The following SAMMSON variants were observed in gnomAD, a reference collection of about 807,000 sequenced individuals.
SAMMSON encodes the protein survival associated mitochondrial melanoma specific oncogenic non-coding RNA.
At chr3:70,370,023 G>A (rs1241915468) in intron 9 of SAMMSON, among the ~76,000 whole-genome samples, 7 of 151,206 alleles carry the variant, frequency 4.6e-5, no homozygotes, top group Non-Finnish European at 8.9e-5. Context: ...CTTTATCTCC[G>A]TAAGATAAAC....
chr3:70,135,988 T>C (rs1016483876), intron 4 of SAMMSON, among the ~76,000 whole-genome samples: 4 of 151,928 alleles, frequency 2.6e-5, no homozygotes, highest in African/African-American at 7.3e-5. Context: ...AGTTAAGTTG[T>C]AGTTTAAATA....
chr3:70,304,180 C>T (rs1273173925), intron 7 of SAMMSON, among the ~76,000 whole-genome samples: 5 of 152,134 alleles, frequency 3.3e-5, no homozygotes, highest in African/African-American at 1.2e-4. Flanking sequence ...GTGAAGATGT[C>T]CCAGTCACTC....
At chr3:70,287,561 T>C (rs1274242799) in intron 6 of SAMMSON, among the ~76,000 whole-genome samples, 13 of 152,196 alleles carry the variant, frequency 8.5e-5, no homozygotes, top group African/African-American at 1.9e-4. Context: ...ATCAGAATGA[T>C]GCTGGCCTCA....
chr3:70,206,939 A>C (rs1266687544), intron 4 of SAMMSON: 28 of 393,286 alleles, frequency 7.1e-5, no homozygotes, highest in Non-Finnish European at 1.2e-4. Context: ...GACAATTTTG[A>C]ATAAAAATAT....
rs554130112 is a variant in SAMMSON at position 70,004,442 on chromosome 3, T to C, written n.22+4575T>C. Among the ~76,000 whole-genome samples, 8 of 152,288 alleles carry C rather than the reference T, an allele frequency of 5.3e-5. No homozygotes were observed. In the South Asian group the frequency reaches 1.0e-3, roughly 20 times the overall value. ...ATTATAATCAATATGTACTTTATTA[T>C]TCTGTAGGTGCAATAATGAAAGAAA... On this transcript the variant is annotated intron_variant and non_coding_transcript_variant, in intron 1 of 9. Coordinates refer to ENST00000642114, the Ensembl canonical transcript of SAMMSON.
At chr3:70,061,713 G>C (rs951146965) in intron 3 of SAMMSON, among the ~76,000 whole-genome samples, 1 of 152,058 alleles carries the variant, frequency 6.6e-6, no homozygotes, top group East Asian at 1.9e-4. Flanking sequence ...TCAGATGCTA[G>C]CTCCCTCCGC....
chr3:70,009,618 T>A (rs1374853447), intron 1 of SAMMSON, among the ~76,000 whole-genome samples: 1 of 145,360 alleles, frequency 6.9e-6, no homozygotes, highest in Non-Finnish European at 1.6e-5. Flanking sequence ...TTTTGAAGGG[T>A]TTTTTGTGTC....
At chr3:70,358,700 G>A (rs1005314556) in intron 9 of SAMMSON, among the ~76,000 whole-genome samples, 10 of 152,024 alleles carry the variant, frequency 6.6e-5, no homozygotes, top group African/African-American at 2.4e-4. Flanking sequence ...TGTGAAAACT[G>A]AAGCCAACTT....
chr3:70,350,469 T>C (rs1423743588), intron 7 of SAMMSON, among the ~76,000 whole-genome samples: 3 of 152,240 alleles, frequency 2.0e-5, no homozygotes, highest in East Asian at 3.9e-4. Flanking sequence ...ATGTATTTAA[T>C]AAATTATACT....
chr3:70,207,127 A>G (rs1701299024), intron 4 of SAMMSON, among the ~76,000 whole-genome samples: 1 of 151,224 alleles, frequency 6.6e-6, no homozygotes, highest in Non-Finnish European at 1.5e-5. Flanking sequence ...GCCTCCTGTC[A>G]CAGAGTATTA....
intron 2 of SAMMSON, among the ~76,000 whole-genome samples, chr3:70,413,311 G>A (rs780592032): frequency 6.6e-6 from 1 of 152,040 alleles, no homozygotes; most frequent in Non-Finnish European, 1.5e-5. Flanking sequence ...TGGCCGTTTA[G>A]GCTATGTTTC....
intron 4 of SAMMSON, among the ~76,000 whole-genome samples, chr3:70,093,320 T>A (rs1229679115): frequency 6.6e-6 from 1 of 152,182 alleles, no homozygotes; most frequent in Non-Finnish European, 1.5e-5. Context: ...GTGCCCATTT[T>A]GTAGATAAGA....
rs188808491 is a variant in SAMMSON at position 70,171,949 on chromosome 3, T to A, written n.508-77158T>A. Among the ~76,000 whole-genome samples, 80 of 151,362 alleles carry A rather than the reference T, an allele frequency of 5.3e-4. 1 individual carries two copies. In the East Asian group the frequency reaches 0.013, roughly 24 times the overall value. Reference sequence around the variant, plus strand: ...TATTTTAAGGCTATAGTGGAGTGATTTGGCTGGTGCTGGTAAGTGATTTGA... The same window carrying A: ...TATTTTAAGGCTATAGTGGAGTGATATGGCTGGTGCTGGTAAGTGATTTGA... On this transcript the variant is annotated intron_variant and non_coding_transcript_variant, in intron 4 of 9. Coordinates refer to ENST00000642114, the Ensembl canonical transcript of SAMMSON.
At chr3:70,411,837 T>C (rs896490295) in intron 2 of SAMMSON, among the ~76,000 whole-genome samples, 1 of 152,204 alleles carries the variant, frequency 6.6e-6, no homozygotes, top group African/African-American at 2.4e-5. Context: ...CCTCTCTTTC[T>C]TTATAAATTA....
At chr3:70,008,179 G>A (rs930439053) in intron 1 of SAMMSON, among the ~76,000 whole-genome samples, 6 of 152,046 alleles carry the variant, frequency 3.9e-5, no homozygotes, top group Non-Finnish European at 7.4e-5. Flanking sequence ...CCAATTCTGC[G>A]AAGAAAGTCA....
intron 4 of SAMMSON, among the ~76,000 whole-genome samples, chr3:70,235,050 C>T (rs1026726510): frequency 2.0e-5 from 3 of 152,140 alleles, no homozygotes; most frequent in Admixed American, 6.5e-5. Flanking sequence ...TTTATCAGTA[C>T]GGTTTCCTAT....
intron 4 of SAMMSON, among the ~76,000 whole-genome samples, chr3:70,121,209 C>T (rs1490402572): frequency 6.6e-6 from 1 of 152,204 alleles, no homozygotes; most frequent in East Asian, 1.9e-4. Flanking sequence ...TGGGGAGCAG[C>T]TGTAAACACA....
intron 4 of SAMMSON, among the ~76,000 whole-genome samples, chr3:70,114,602 C>T (rs915107252): frequency 4.6e-5 from 7 of 152,184 alleles, no homozygotes; most frequent in African/African-American, 1.4e-4. Flanking sequence ...ACTGCACCTT[C>T]GTGCCTCTGT....
chr3:70,382,933 C>T (rs1226145389), intron 9 of SAMMSON, among the ~76,000 whole-genome samples: 2 of 152,022 alleles, frequency 1.3e-5, no homozygotes, highest in African/African-American at 4.8e-5. Flanking sequence ...AAAGAGTATT[C>T]TCAGGTTTGG....
Sources: gnomAD v4.1 joint callset for allele counts (sites outside exome capture counted in the v4.1 genomes callset) on GRCh38, gnomAD v4.1.1 for gene constraint, MANE v1.5 for transcripts, NCBI Gene and HGNC (gene_info 2026-07-23, HGNC 2026-07-21) for gene names.